The following FAT3 variants were observed in gnomAD, a reference collection of about 807,000 sequenced individuals.
The protein encoded by FAT3 is protocadherin Fat 3.
In FAT3, 95 loss-of-function variants were observed where a neutral mutation model predicts 310.2. That is an observed-to-expected ratio of 0.31 (90% confidence interval 0.26 to 0.36). The LOEUF (loss-of-function observed/expected upper bound fraction) is 0.36. Among genes scored for constraint, FAT3 ranks in the 10% least tolerant of loss-of-function variants. The pLI, the probability that FAT3 is intolerant of heterozygous loss-of-function variation, is 1.00. For missense variants in FAT3, 5,408 were observed against 5,715.6 expected (o/e 0.95, Z 1.74); for synonymous variants, 2,314 against 2,192.9 (o/e 1.06, Z -1.54).
At chr11:92,428,471 T>C (rs1950690000) in intron 2 of FAT3, among the ~76,000 whole-genome samples, 3 of 152,150 alleles carry the variant, frequency 2.0e-5, no homozygotes, top group Non-Finnish European at 4.4e-5. Flanking sequence ...AATTTTGTGA[T>C]GTTAGGATGT....
rs1948754732 is a variant in FAT3 at position 92,849,118 on chromosome 11, A to G, written c.11365+4386A>G. On this transcript the variant is annotated intron_variant, in intron 19 of 27. Transcript: ENST00000525166. ...ATTAACTTTTTTCAAAAATTAAGGAAACCAAAACTTGGAAAGGTCAATTGA... is the reference window on the plus strand; with the variant it reads ...ATTAACTTTTTTCAAAAATTAAGGAGACCAAAACTTGGAAAGGTCAATTGA... 4.6e-5 allele frequency among the ~76,000 whole-genome samples: 7 copies of G among 152,364 alleles called. No homozygotes were observed. The South Asian group carries it at 1.4e-3, about 32-fold the overall frequency.
chr11:92,685,183 A>G (rs1943595396), intron 3 of FAT3, among the ~76,000 whole-genome samples: 1 of 152,224 alleles, frequency 6.6e-6, no homozygotes, highest in Non-Finnish European at 1.5e-5. Context: ...ATTCTTGTTT[A>G]AATAACATAA....
chr11:92,743,250 T>C (rs1945559323), intron 4 of FAT3, among the ~76,000 whole-genome samples: 1 of 152,314 alleles, frequency 6.6e-6, no homozygotes, highest in Non-Finnish European at 1.5e-5. Context: ...GGGGAGCACC[T>C]TGTGGCCTTG....
chr11:92,542,187 T>G (rs1954470028), intron 3 of FAT3, among the ~76,000 whole-genome samples: 1 of 151,694 alleles, frequency 6.6e-6, no homozygotes, highest in Non-Finnish European at 1.5e-5. Context: ...AAAAATAAAC[T>G]CAGGATGGAT....
Position 92,414,882 on chromosome 11 carries a change from C to T in FAT3, c.3292+59478C>T, listed in dbSNP as rs1319997142. Among the ~76,000 whole-genome samples the T allele has an allele frequency of 3.3e-5, 5 of 151,884 alleles. No individual in the cohort carries two copies. The South Asian group carries it at 6.2e-4, about 19-fold the overall frequency. On this transcript the variant is annotated intron_variant, in intron 2 of 27. Transcript: ENST00000525166. ...AAAGTTAGCCGGGCTTGGTGGCAGG[C>T]GCCTGTAGTCCCAGCTACTCCGGAG... is the stretch of plus-strand genomic sequence containing the variant.
chr11:92,409,697 A>C (rs182184553), intron 2 of FAT3, among the ~76,000 whole-genome samples: 1 of 152,324 alleles, frequency 6.6e-6, no homozygotes, highest in Admixed American at 6.5e-5. Context: ...TTGAGCACAA[A>C]ATTAGATCAG....
intron 13 of FAT3, among the ~76,000 whole-genome samples, chr11:92,829,152 C>A (rs148016354): frequency 1.1e-3 from 167 of 152,280 alleles, no homozygotes; most frequent in African/African-American, 3.7e-3. Flanking sequence ...GGGCAAAGAG[C>A]CTAAGGAAAA....
intron 19 of FAT3, among the ~76,000 whole-genome samples, chr11:92,853,270 T>C (rs550771951): frequency 6.6e-6 from 1 of 152,346 alleles, no homozygotes; most frequent in East Asian, 1.9e-4. Context: ...AGGTACCAGC[T>C]CTGTGTGAGG....
At chr11:92,453,405 C>G (rs967814134) in intron 2 of FAT3, among the ~76,000 whole-genome samples, 2 of 152,172 alleles carry the variant, frequency 1.3e-5, no homozygotes, top group South Asian at 4.1e-4. Flanking sequence ...GTCAGCTTTC[C>G]AAGTTCTTTG....
At chr11:92,729,676 C>T (rs981842026) in intron 4 of FAT3, among the ~76,000 whole-genome samples, 2 of 152,098 alleles carry the variant, frequency 1.3e-5, no homozygotes, top group Admixed American at 1.3e-4. Context: ...CCACCCACCT[C>T]GGCCTCCCAA....
At chr11:92,666,425 C>T (rs954047870) in intron 3 of FAT3, among the ~76,000 whole-genome samples, 5 of 149,332 alleles carry the variant, frequency 3.3e-5, no homozygotes, top group African/African-American at 9.9e-5. Context: ...GATCTCTGCT[C>T]ACTGCAAGCT....
At chr11:92,681,024 G>A (rs990696829) in intron 3 of FAT3, among the ~76,000 whole-genome samples, 2 of 152,348 alleles carry the variant, frequency 1.3e-5, no homozygotes, top group East Asian at 3.9e-4. Flanking sequence ...TGCAAGGACA[G>A]GAGGGCTTCA....
intron 1 of FAT3, among the ~76,000 whole-genome samples, chr11:92,280,863 A>G (rs1371838590): frequency 6.6e-6 from 1 of 152,124 alleles, no homozygotes; most frequent in Non-Finnish European, 1.5e-5. Context: ...TCTTGTGTCA[A>G]CCCTGTTCTT....
intron 2 of FAT3, among the ~76,000 whole-genome samples, chr11:92,391,269 G>A (rs1219865801): frequency 6.6e-6 from 1 of 152,130 alleles, no homozygotes; most frequent in Non-Finnish European, 1.5e-5. Context: ...GTGGTATCTA[G>A]GGGACAGACC....
At chr11:92,858,697 C>G (rs1007876068) in intron 20 of FAT3, among the ~76,000 whole-genome samples, 3 of 152,124 alleles carry the variant, frequency 2.0e-5, no homozygotes, top group African/African-American at 7.2e-5. Context: ...AAATGACATA[C>G]ATTAGCTATT....
intron 2 of FAT3, among the ~76,000 whole-genome samples, chr11:92,441,871 T>C (rs1483051364): frequency 6.6e-6 from 1 of 151,502 alleles, no homozygotes; most frequent in Non-Finnish European, 1.5e-5. Flanking sequence ...TTCTTGCAAA[T>C]GGTTGCTGCT....
chr11:92,300,022 A>G (rs1327163408), intron 1 of FAT3, among the ~76,000 whole-genome samples: 2 of 152,148 alleles, frequency 1.3e-5, no homozygotes, highest in Non-Finnish European at 2.9e-5. Context: ...TCTCTGTGCC[A>G]GGTATTGATG....
chr11:92,276,258 G>T (rs538580318), intron 1 of FAT3, among the ~76,000 whole-genome samples: 18 of 152,230 alleles, frequency 1.2e-4, no homozygotes, highest in Non-Finnish European at 2.2e-4. Context: ...TCACAAAATT[G>T]TAAAATCACA....
chr11:92,730,977 C>T (rs192108221), intron 4 of FAT3, among the ~76,000 whole-genome samples: 3 of 152,180 alleles, frequency 2.0e-5, no homozygotes, highest in South Asian at 4.2e-4. Context: ...ATTATGAAAT[C>T]GGGGGCTAAG....
Sources: gnomAD v4.1 joint callset for allele counts (sites outside exome capture counted in the v4.1 genomes callset) on GRCh38, gnomAD v4.1.1 for gene constraint, MANE v1.5 for transcripts, NCBI Gene and HGNC (gene_info 2026-07-23, HGNC 2026-07-21) for gene names.